The following FSTL5 variants were observed in gnomAD, a reference collection of about 807,000 sequenced individuals.
FSTL5 encodes the protein follistatin-related protein 5.
FSTL5 carries 62 observed loss-of-function variants against 89.1 expected under a neutral mutation model. The observed-to-expected ratio is 0.70, with a 90% CI of 0.57 to 0.86. The LOEUF (loss-of-function observed/expected upper bound fraction) is 0.86, where lower values mean the gene tolerates loss of function less well. FSTL5 is among the 40% of genes least tolerant of loss of function. The pLI is 0.00. For missense variants in FSTL5, 1,057 were observed against 1,001.6 expected, an observed-to-expected ratio of 1.06 and a Z score of -0.75; for synonymous variants, 383 against 346.2, an observed-to-expected ratio of 1.11 and a Z score of -1.18.
At chr4:162,025,496 A>G (rs1415157988) in intron 3 of FSTL5, among the ~76,000 whole-genome samples, 1 of 152,130 alleles carries the variant, frequency 6.6e-6, no homozygotes, top group Non-Finnish European at 1.5e-5. Context: ...TCTAGTATTC[A>G]GAGTCTAAAT....
chr4:161,755,229 A>G (rs1398074267), intron 6 of FSTL5, among the ~76,000 whole-genome samples: 2 of 152,084 alleles, frequency 1.3e-5, no homozygotes, highest in Non-Finnish European at 2.9e-5. Flanking sequence ...TAACAATACT[A>G]AAAATTATGA....
At chr4:161,873,500 CCTT>C (rs1278056127) in intron 4 of FSTL5, among the ~76,000 whole-genome samples, 1 of 149,898 alleles carries the variant, frequency 6.7e-6, no homozygotes, top group Non-Finnish European at 1.5e-5. Context: ...TTCCTTCCTT[CCTT>C]CTTTCCTTCC....
intron 6 of FSTL5, among the ~76,000 whole-genome samples, chr4:161,757,779 C>T (rs1740629696): frequency 6.6e-6 from 1 of 151,870 alleles, no homozygotes; most frequent in African/African-American, 2.4e-5. Context: ...CCACCAAGCC[C>T]GACTAATTTT....
chr4:161,687,334 A>T (rs182213386), intron 6 of FSTL5, among the ~76,000 whole-genome samples: 1 of 152,126 alleles, frequency 6.6e-6, no homozygotes, highest in East Asian at 1.9e-4. Context: ...CTCATATAAG[A>T]CCCATCTTTA....
chr4:161,856,885 G>A (rs910092496), intron 4 of FSTL5, among the ~76,000 whole-genome samples: 2 of 152,124 alleles, frequency 1.3e-5, no homozygotes, highest in Non-Finnish European at 2.9e-5. Flanking sequence ...GTTAGGCAGA[G>A]TACTCAAGGC....
intron 4 of FSTL5, among the ~76,000 whole-genome samples, chr4:161,806,238 A>G (rs1729961640): frequency 6.6e-6 from 1 of 152,166 alleles, no homozygotes; most frequent in Admixed American, 6.6e-5. Flanking sequence ...AGTCAAAGAC[A>G]AGTTGAGAGA....
intron 10 of FSTL5, among the ~76,000 whole-genome samples, chr4:161,536,915 A>C (rs994485054): frequency 1.3e-5 from 2 of 152,234 alleles, no homozygotes; most frequent in Non-Finnish European, 2.9e-5. Context: ...TTTAACAGAA[A>C]GTGAATTACA....
intron 2 of FSTL5, among the ~76,000 whole-genome samples, chr4:162,062,329 C>T (rs889382451): frequency 2.0e-5 from 3 of 151,834 alleles, no homozygotes; most frequent in African/African-American, 7.2e-5. Context: ...TCTGTATATA[C>T]AGAAAGAGAA....
chr4:161,563,821 T>C lies in FSTL5; in HGVS notation c.1016-21128A>G, dbSNP rs117117227. Among the ~76,000 whole-genome samples, 842 of 152,104 alleles carry C rather than the reference T, an allele frequency of 5.5e-3. 38 individuals are homozygous for C. The East Asian group carries it at 0.12, about 23-fold the overall frequency. On this transcript the variant is annotated intron_variant, in intron 8 of 15. Transcript: ENST00000306100. ...AATTTAGAATTATTGGGAATAACATTACTATAATCTAAATTGGTTAGAAGT... is the reference window on the plus strand; with the variant it reads ...AATTTAGAATTATTGGGAATAACATCACTATAATCTAAATTGGTTAGAAGT...
At chr4:161,918,769 C>T (rs1243219977) in intron 4 of FSTL5, among the ~76,000 whole-genome samples, 2 of 151,892 alleles carry the variant, frequency 1.3e-5, no homozygotes, top group African/African-American at 2.4e-5. Context: ...CTCAGCCTCC[C>T]GAGTGGCTGG....
At chr4:161,612,717 T>G (rs1206665684) in intron 7 of FSTL5, among the ~76,000 whole-genome samples, 1 of 152,206 alleles carries the variant, frequency 6.6e-6, no homozygotes, top group Admixed American at 6.5e-5. Flanking sequence ...TTTTGTGGAC[T>G]GAGAAGCTGG....
In FSTL5 at chr4:161,484,969, C is replaced by CT. The variant is rs200196498; in HGVS notation, c.1459-3801dup. 3.4e-3 allele frequency among the ~76,000 whole-genome samples: 524 copies of CT among 152,018 alleles called. 3 individuals are homozygous for CT. The highest frequency in any genetic ancestry group is 0.011 in the African/African-American group (473 of 41,528). On this transcript the variant is annotated intron_variant, in intron 12 of 15. Coordinates refer to ENST00000306100, the MANE Select transcript of FSTL5 (RefSeq NM_020116.5). ...ATGATCCAGAAACTAGGAATGTTTT[C>CT]TTATCTTTTAATGGTTGGAAAAAAA...
intron 2 of FSTL5, among the ~76,000 whole-genome samples, chr4:162,101,950 C>T (rs1257806487): frequency 6.6e-5 from 10 of 152,230 alleles, no homozygotes; most frequent in African/African-American, 2.4e-4. Context: ...AGTCATTCAC[C>T]TATTTTTAAC....
chr4:161,467,705 C>A (rs139933291), intron 13 of FSTL5, among the ~76,000 whole-genome samples: 1 of 152,096 alleles, frequency 6.6e-6, no homozygotes, highest in East Asian at 1.9e-4. Context: ...TCACATACTC[C>A]TAAGGTAATG....
intron 6 of FSTL5, among the ~76,000 whole-genome samples, chr4:161,738,566 C>G (rs1467089774): frequency 6.6e-6 from 1 of 151,828 alleles, no homozygotes; most frequent in Non-Finnish European, 1.5e-5. Flanking sequence ...ACCCAGATAC[C>G]AGGATAATTA....
intron 4 of FSTL5, among the ~76,000 whole-genome samples, chr4:161,792,895 C>A (rs1729522989): frequency 1.3e-5 from 2 of 152,218 alleles, no homozygotes; most frequent in African/African-American, 2.4e-5. Context: ...GCTGAAACAT[C>A]CCCTCCCCCA....
intron 8 of FSTL5, 83 bp downstream of exon 8, chr4:161,587,370 TAA>T: frequency 7.3e-7 from 1 of 1,371,294 alleles, no homozygotes; most frequent in South Asian, 1.2e-5. Flanking sequence ...TAGTACCTTG[TAA>T]AAACTCAAAA....
chr4:161,536,565 AC>A (rs1193804252), intron 10 of FSTL5, among the ~76,000 whole-genome samples: 2 of 152,114 alleles, frequency 1.3e-5, no homozygotes, highest in African/African-American at 4.8e-5. Context: ...TACTCAGTTT[AC>A]TTATTTAGTA....
chr4:161,841,612 A>G (rs1731214049), intron 4 of FSTL5, among the ~76,000 whole-genome samples: 1 of 152,204 alleles, frequency 6.6e-6, no homozygotes, highest in Non-Finnish European at 1.5e-5. Flanking sequence ...CACAGAGCTT[A>G]TATTTAGGCA....
Sources: allele counts gnomAD v4.1 joint callset (sites outside exome capture counted in the v4.1 genomes callset), GRCh38; gene constraint gnomAD v4.1.1; transcripts MANE v1.5; gene names NCBI Gene and HGNC (gene_info 2026-07-23, HGNC 2026-07-21).